Variants in FBXW11 observed in about 807,000 individuals in gnomAD.
FBXW11 encodes the protein F-box/WD repeat-containing protein 11.
A neutral mutation model predicts 77.6 loss-of-function variants in FBXW11; 19 were observed. That is an observed-to-expected ratio of 0.24 (90% CI 0.17 to 0.36). The LOEUF (loss-of-function observed/expected upper bound fraction) is 0.36, where lower values mean the gene tolerates loss of function less well. Ranked by LOEUF, FBXW11 falls within the 10% of genes least tolerant of loss-of-function variation. The pLI is 1.00. For missense variants in FBXW11, 334 were observed against 704.2 expected (o/e 0.47, Z 5.95); for synonymous variants, 235 against 249.4 (o/e 0.94, Z 0.54).
intron 2 of FBXW11, 94 bp downstream of exon 2, chr5:171,957,503 G>C: frequency 8.7e-7 from 1 of 1,147,026 alleles, no homozygotes; most frequent in Admixed American, 1.7e-5. Flanking sequence ...ACATTTAGCA[G>C]ACTTAACATT....
intron 2 of FBXW11, among the ~76,000 whole-genome samples, chr5:171,914,757 T>C (rs559968443): frequency 1.3e-5 from 2 of 152,180 alleles, no homozygotes; most frequent in Admixed American, 6.5e-5. Flanking sequence ...TTCCGATGAT[T>C]GCACAAAACA....
At chr5:171,877,169 AT>A (rs1758142443) in intron 8 of FBXW11, among the ~76,000 whole-genome samples, 1 of 152,176 alleles carries the variant, frequency 6.6e-6, no homozygotes, top group South Asian at 2.1e-4. Context: ...GTTTAGGTAT[AT>A]TTAGCAGTCA....
At position 171,863,303 on chromosome 5, in the gene FBXW11, CA is replaced by C. The variant is rs1561622805; in HGVS notation, c.*823del. ...ACACTCTGTATTAGTGTCTCAAGCA[CA>C]GGGGGCCCTGACTCCAGCAACTTTG... On this transcript the variant is annotated 3_prime_UTR_variant, in exon 14 of 14. Transcript: ENST00000517395. 1 of 152,736 alleles carries C rather than the reference CA, an allele frequency of 6.5e-6. No individual in the cohort carries two copies. The highest frequency in any genetic ancestry group is 2.4e-5 in the African/African-American group (1 of 41,444). The allele number at this position is 152,736 out of a possible 1,614,324, so 9.5% of individuals were successfully genotyped here.
chr5:171,881,046 T>C (rs1172388095), intron 7 of FBXW11, among the ~76,000 whole-genome samples: 2 of 152,246 alleles, frequency 1.3e-5, no homozygotes, highest in African/African-American at 4.8e-5. Flanking sequence ...TGCTGCTATA[T>C]GGGTAAGCAA....
intron 1 of FBXW11, among the ~76,000 whole-genome samples, chr5:171,971,068 T>C (rs1764501981): frequency 6.6e-6 from 1 of 152,212 alleles, no homozygotes; most frequent in Non-Finnish European, 1.5e-5. Flanking sequence ...ATGCTGGAGC[T>C]GAAAGGGACC....
At chr5:171,890,297 C>T (rs1304485229) in intron 7 of FBXW11, among the ~76,000 whole-genome samples, 1 of 151,918 alleles carries the variant, frequency 6.6e-6, no homozygotes, top group Non-Finnish European at 1.5e-5. Flanking sequence ...TTGGGGCAGG[C>T]GCATTACTTG....
intron 2 of FBXW11, among the ~76,000 whole-genome samples, chr5:171,919,802 G>C (rs972229461): frequency 6.6e-6 from 1 of 152,114 alleles, no homozygotes; most frequent in African/African-American, 2.4e-5. Context: ...ATATATTATA[G>C]CTATTTGCAG....
intron 2 of FBXW11, among the ~76,000 whole-genome samples, chr5:171,949,182 T>A (rs940335296): frequency 2.6e-5 from 4 of 152,226 alleles, no homozygotes; most frequent in Admixed American, 6.5e-5. Flanking sequence ...TTGTGGATGA[T>A]GAGCTTACAA....
chr5:172,006,568 A>G lies in FBXW11; in HGVS notation c.-66T>C, dbSNP rs1385483264. ...GCGAACGGCCCGGGCGGAGGAGGCG[A>G]CGGCGGAGGCGGCAGAGGCGGAGGC... On this transcript the variant is annotated 5_prime_UTR_variant, in exon 1 of 14. Coordinates refer to ENST00000517395, the MANE Select transcript of FBXW11 (RefSeq NM_001378974.1). The G allele has an allele frequency of 9.7e-6, 14 of 1,438,992 alleles. No homozygotes were observed. The highest frequency in any genetic ancestry group is 2.8e-5 in the Admixed American group (1 of 35,504). 89.1% of individuals were successfully genotyped at this position (1,438,992 alleles called of 1,614,324 possible). A position where few individuals can be genotyped will look rare whatever the true frequency, so the allele number is the denominator to read the frequency against.
intron 13 of FBXW11, among the ~76,000 whole-genome samples, chr5:171,866,035 C>A (rs1247546635): frequency 6.6e-6 from 1 of 152,104 alleles, no homozygotes; most frequent in Non-Finnish European, 1.5e-5. Flanking sequence ...GAGTCTGAGG[C>A]GGGCAGATCA....
At chr5:171,993,719 A>C (rs1291128549) in intron 1 of FBXW11, among the ~76,000 whole-genome samples, 1 of 152,200 alleles carries the variant, frequency 6.6e-6, no homozygotes, top group Non-Finnish European at 1.5e-5. Context: ...AAAGTTGGTT[A>C]ATGTTGGTCC....
intron 2 of FBXW11, among the ~76,000 whole-genome samples, chr5:171,938,331 G>T (rs1380086240): frequency 6.6e-6 from 1 of 152,156 alleles, no homozygotes; most frequent in East Asian, 1.9e-4. Flanking sequence ...CCAAATCACT[G>T]CGGTTACAGG....
At chr5:171,865,210 T>C (rs900565227) in intron 13 of FBXW11, among the ~76,000 whole-genome samples, 1 of 151,022 alleles carries the variant, frequency 6.6e-6, no homozygotes, top group Admixed American at 6.6e-5. Context: ...GAGGGGAGCA[T>C]AAACTGACTG....
chr5:171,876,545 A>G lies in FBXW11; in HGVS notation c.972-11T>C, dbSNP rs1758094657. On this transcript the variant is annotated splice_polypyrimidine_tract_variant and intron_variant, in intron 8 of 13. Transcript: ENST00000517395. This position sits in a 1 kb window ranked among gnomAD's most constrained non-coding sequence, Gnocchi z 4.2. ...TTCACATCCCACACTCTAGGAGAGAAGAGAAAAGCATGATGCTTAATTATG... is the reference window on the plus strand; with the variant it reads ...TTCACATCCCACACTCTAGGAGAGAGGAGAAAAGCATGATGCTTAATTATG... The G allele has an allele frequency of 6.2e-7, 1 of 1,610,122 alleles. No homozygotes were observed. The highest frequency in any genetic ancestry group is 1.1e-5 in the South Asian group (1 of 91,004).
At chr5:171,968,868 T>C (rs933421298) in intron 1 of FBXW11, among the ~76,000 whole-genome samples, 1 of 152,202 alleles carries the variant, frequency 6.6e-6, no homozygotes, top group African/African-American at 2.4e-5. Context: ...TCTGGAAATA[T>C]GTGCACAACG....
In FBXW11 at chr5:171,869,341, A is replaced by G. The variant is rs189185510; in HGVS notation, c.1530+388T>C. ...TCCAAATGACTATCTCTTCAAAAAT[A>G]TAACAGTACTTATAAATGGTATAAA... On this transcript the variant is annotated intron_variant, in intron 12 of 13. Coordinates refer to ENST00000517395, the MANE Select transcript of FBXW11 (RefSeq NM_001378974.1). The surrounding 1 kb of genome is among the most constrained non-coding windows in gnomAD (Gnocchi z 4.1). Among the ~76,000 whole-genome samples, 112 of 152,362 alleles carry G rather than the reference A, an allele frequency of 7.4e-4. No individual in the cohort carries two copies. Among genetic ancestry groups the G allele is most frequent in the South Asian group, 1.4e-3 (7 of 4,834 alleles).
At position 171,994,200 on chromosome 5, in the gene FBXW11, T is replaced by C. The variant is rs527322656; in HGVS notation, c.45+12258A>G. ...ATGATACTCTAATCTACAGGTAATATAGAACAGAGGTAAGAAGCACATTCT... is the reference window on the plus strand; with the variant it reads ...ATGATACTCTAATCTACAGGTAATACAGAACAGAGGTAAGAAGCACATTCT... On this transcript the variant is annotated intron_variant, in intron 1 of 13. Transcript: ENST00000517395. Among the ~76,000 whole-genome samples the C allele has an allele frequency of 5.9e-5, 9 of 152,328 alleles. No homozygotes were observed. In the East Asian group the frequency reaches 7.7e-4, roughly 13 times the overall value.
intron 2 of FBXW11, among the ~76,000 whole-genome samples, chr5:171,923,538 T>C (rs912345029): frequency 2.0e-5 from 3 of 152,218 alleles, no homozygotes; most frequent in African/African-American, 7.2e-5. Context: ...TTAAAATTCA[T>C]CTTTACTGAT....
At chr5:171,890,555 C>T (rs953418197) in intron 7 of FBXW11, among the ~76,000 whole-genome samples, 2 of 150,674 alleles carry the variant, frequency 1.3e-5, no homozygotes, top group East Asian at 1.9e-4. Flanking sequence ...CTTTGGAGAA[C>T]AGCTGGGCAG....
Sources: allele counts gnomAD v4.1 joint callset (sites outside exome capture counted in the v4.1 genomes callset), GRCh38; gene constraint gnomAD v4.1.1; non-coding constraint Gnocchi (gnomAD v3.1); transcripts MANE v1.5; gene names NCBI Gene and HGNC (gene_info 2026-07-23, HGNC 2026-07-21).